CTU1: variants seen among roughly 807,000 people sequenced by gnomAD.
The protein encoded by CTU1 is cytoplasmic tRNA 2-thiolation protein 1.
CTU1 carries 15 observed loss-of-function variants against 12.9 expected under a neutral mutation model. The ratio of observed to expected loss-of-function variants is 1.16; its 90% CI spans 0.78 to 1.79. The LOEUF is 1.79. CTU1 is among the 40% of genes most tolerant of loss of function. The pLI is 0.00. For synonymous variants in CTU1, 295 were observed against 275.6 expected, an observed-to-expected ratio of 1.07 and a Z score of -0.70; for missense variants, 553 against 550.5, an observed-to-expected ratio of 1.00 and a Z score of -0.05.
intron 1 of CTU1, among the ~76,000 whole-genome samples, chr19:51,104,969 T>A (rs1324994871): frequency 6.6e-6 from 1 of 152,186 alleles, no homozygotes; most frequent in Non-Finnish European, 1.5e-5. Flanking sequence ...GCCACCCTTG[T>A]TACAGTCCTG....
chr19:51,104,170 T>A lies in CTU1; in HGVS notation c.400A>T (p.Thr134Ser). Residue 134 changes from threonine (T) to serine (S), a missense_variant, in exon 2 of 3, where the codon ACA becomes TCA. Thr to Ser is a moderately conservative substitution (Grantham distance 58). Transcript: ENST00000421832. ...GAGCGGCTGCGGCCGGAGCCGGCTG[T>A]GCTGCGGGCCACGGCGTCCATCGTC... The part of the protein sequence containing the change: ...GWTMDAVARS[T>S]AGSGRSRSCC... 6.6e-7 allele frequency: 1 copy of A among 1,522,074 alleles called. No homozygotes were observed. The highest frequency in any genetic ancestry group is 1.7e-4 in the Middle Eastern group (1 of 5,918). The allele number at this position is 1,522,074 out of a possible 1,614,324, so 94.3% of individuals were successfully genotyped here.
chr19:51,104,455 G>T lies in CTU1; in HGVS notation c.115C>A (p.Leu39Met), dbSNP rs2091915111. The T allele has an allele frequency of 2.3e-6, 3 of 1,295,038 alleles. No homozygotes were observed. In the African/African-American group the frequency reaches 4.7e-5, roughly 20 times the overall value. 80.2% of individuals were successfully genotyped at this position (1,295,038 alleles called of 1,614,324 possible). The change falls in exon 2 of 3, where the codon CTG (leucine) becomes ATG (methionine). Residue 39 changes from leucine (L) to methionine (M), a missense_variant. Coordinates refer to ENST00000421832, the MANE Select transcript of CTU1 (RefSeq NM_145232.4). ...CFCAAFEAEV[L>M]HTVLAGRLLP... Reference sequence around the variant, plus strand: ...AGGCGGCCGGCGAGCACCGTGTGCAGCACCTCGGCCTCGAAGGCGGCGCAG... The same window carrying T: ...AGGCGGCCGGCGAGCACCGTGTGCATCACCTCGGCCTCGAAGGCGGCGCAG...
chr19:51,099,051 G>A lies in CTU1; in HGVS notation c.597C>T (p.Gly199=). 1.3e-6 allele frequency: 2 copies of A among 1,516,804 alleles called. No individual in the cohort carries two copies. The highest frequency in any genetic ancestry group is 4.1e-5 in the Admixed American group (2 of 49,014). The allele number at this position is 1,516,804 out of a possible 1,614,324, so 94.0% of individuals were successfully genotyped here. ...GCAGGGCGCCCCCCTCGCCGGGAGA[G>A]CCCAGGCCCCCGCCCCGGGCCAGCC... ...AGRLARGGGL[G]SPGEGGALPR... The change falls in exon 3 of 3, where the codon GGC becomes GGT. Residue 199 remains glycine (G), a synonymous_variant. Coordinates refer to ENST00000421832, the MANE Select transcript of CTU1 (RefSeq NM_145232.4).
At position 51,104,216 on chromosome 19, in the gene CTU1, G is replaced by T. The variant is rs1457193469; in HGVS notation, c.354C>A (p.Tyr118Ter). ...TCGTCCAGCCCCCAAAGAGGTCTTC[G>T]TAGGCCACGACCGTGAGCGGCAGCT... is the stretch of plus-strand genomic sequence containing the variant. ...RWELPLTVVAYEDLFGGWTMD... is the reference protein window; with the variant it reads ...RWELPLTVVA The change falls in exon 2 of 3, where the codon TAC (tyrosine) becomes TAA (stop). Residue 118 changes from tyrosine to a stop codon, truncating the protein, a stop_gained. Transcript: ENST00000421832. LOFTEE classifies it high-confidence loss of function. 6.6e-7 allele frequency: 1 copy of T among 1,519,856 alleles called. No homozygotes were observed. 94.1% of individuals were successfully genotyped at this position (1,519,856 alleles called of 1,614,324 possible).
In CTU1 at chr19:51,098,920, G is replaced by A. The variant is rs1401255441; in HGVS notation, c.728C>T (p.Ala243Val). Reference protein sequence around the residue: ...FSEECVYAPEAFRGHARDLLK... With the variant: ...FSEECVYAPEVFRGHARDLLK... The stretch of plus-strand genomic sequence containing the variant: ...CAGGTCCCGGGCGTGGCCGCGGAAG[G>A]CCTCGGGCGCGTAGACGCACTCCTC... Residue 243 changes from alanine to valine, a missense_variant, in exon 3 of 3, where the codon GCC (alanine) becomes GTC (valine). By Grantham distance (64) the Ala-to-Val change is moderately conservative. Transcript: ENST00000421832. This position sits in a 1 kb window ranked among gnomAD's most constrained non-coding sequence, Gnocchi z 4.3. The A allele has an allele frequency of 1.3e-6, 2 of 1,526,708 alleles. No individual in the cohort carries two copies. Among genetic ancestry groups the A allele is most frequent in the Non-Finnish European group, 1.8e-6 (2 of 1,141,422 alleles). 94.6% of individuals were successfully genotyped at this position (1,526,708 alleles called of 1,614,324 possible). A position where few individuals can be genotyped will look rare whatever the true frequency, so the allele number is the denominator to read the frequency against.
intron 2 of CTU1, among the ~76,000 whole-genome samples, chr19:51,100,227 C>T (rs184879033): frequency 3.3e-5 from 5 of 152,232 alleles, no homozygotes; most frequent in South Asian, 2.1e-4. Flanking sequence ...ATTTGCCACC[C>T]GCCTACTGCA....
rs886495983 is a variant in CTU1 at position 51,098,658 on chromosome 19, C to T, written c.990G>A (p.Pro330=). ...GCCGGGCCGGATCCCCGGGCGTCCC[C>T]GGCGTCGCCTCCTCGTCCAGACCCC... ...GRRGLDEEAT[P]GTPGDPARPP... is the part of the protein sequence containing the mutation. The change falls in exon 3 of 3, where the codon CCG becomes CCA. Residue 330 remains proline, a synonymous_variant. Transcript: ENST00000421832. This position sits in a 1 kb window ranked among gnomAD's most constrained non-coding sequence, Gnocchi z 4.3. The T allele has an allele frequency of 4.8e-5, 63 of 1,308,846 alleles. No homozygotes were observed. The highest frequency in any genetic ancestry group is 5.8e-5 in the Non-Finnish European group (60 of 1,028,168). The allele number at this position is 1,308,846 out of a possible 1,614,324, so 81.1% of individuals were successfully genotyped here. A position where few individuals can be genotyped will look rare whatever the true frequency, so the allele number is the denominator to read the frequency against.
At chr19:51,103,584 C>CA (rs746986273) in intron 2 of CTU1, among the ~76,000 whole-genome samples, 1,606 of 95,974 alleles carry the variant, frequency 0.017, 33 homozygotes, top group Middle Eastern at 0.038. Flanking sequence ...GACTCTGTCT[C>CA]AAAAAAAAAA....
Position 51,106,672 on chromosome 19 carries a change from A to ATT in CTU1, c.-22+1673_-22+1674dup, listed in dbSNP as rs56150506. 6.6e-3 allele frequency among the ~76,000 whole-genome samples: 899 copies of ATT among 136,208 alleles called. 16 individuals are homozygous for ATT. Among genetic ancestry groups the ATT allele is most frequent in the Middle Eastern group, 0.031 (8 of 258 alleles). The allele number at this position is 136,208 out of a possible 152,430, so 89.4% of individuals were successfully genotyped here. On this transcript the variant is annotated intron_variant, in intron 1 of 2. Coordinates refer to ENST00000421832, the MANE Select transcript of CTU1 (RefSeq NM_145232.4). The stretch of plus-strand genomic sequence containing the variant: ...AGGCGTGTACCACCATGCCTGGCTA[A>ATT]TTTTTTTTTTTTTTTTTGTATTTTT...
At chr19:51,101,787 TCCA>T (rs1171045061) in intron 2 of CTU1, among the ~76,000 whole-genome samples, 9 of 152,178 alleles carry the variant, frequency 5.9e-5, no homozygotes, top group Non-Finnish European at 1.2e-4. Context: ...CTGGATTTGC[TCCA>T]CACCTTGTCA....
chr19:51,105,917 T>C (rs1599808329), intron 1 of CTU1, among the ~76,000 whole-genome samples: 1 of 152,242 alleles, frequency 6.6e-6, no homozygotes, highest in Non-Finnish European at 1.5e-5. Context: ...TGTTTGAATG[T>C]AGTTTCAAAA....
In CTU1 at chr19:51,099,152, GA is replaced by G; in HGVS notation, c.509-14del. ...TCGGCGTTGTGACCTGGTGGGGAGA[GA>G]AGGGAGCGGGTGAGGTGGGGCGCGG... On this transcript the variant is annotated splice_polypyrimidine_tract_variant and intron_variant, in intron 2 of 2. Coordinates refer to ENST00000421832, the MANE Select transcript of CTU1 (RefSeq NM_145232.4). 1 of 1,567,616 alleles carries G rather than the reference GA, an allele frequency of 6.4e-7. No homozygotes were observed.
chr19:51,098,992 T>G lies in CTU1; in HGVS notation c.656A>C (p.Lys219Thr). The change falls in exon 3 of 3, where the codon AAG becomes ACG. Residue 219 changes from lysine (K) to threonine (T), a missense_variant. Physicochemically the swap from Lys to Thr is moderately conservative, Grantham distance 78 (BLOSUM62 -1). This residue lies in a region of CTU1 where 500 missense variants were observed against 458.5 expected (regional missense o/e 1.09). Coordinates refer to ENST00000421832, the MANE Select transcript of CTU1 (RefSeq NM_145232.4). This position sits in a 1 kb window ranked among gnomAD's most constrained non-coding sequence, Gnocchi z 4.3. ...RCRPLQFASQ[K>T]EVVLYAHFRR... ...GAAGTGCGCGTACAGCACCACCTCC[T>G]TCTGCGAGGCGAACTGCAGCGGGCG... 1.3e-6 allele frequency: 2 copies of G among 1,540,542 alleles called. No individual in the cohort carries two copies. The highest frequency in any genetic ancestry group is 1.7e-6 in the Non-Finnish European group (2 of 1,149,514).
Position 51,098,887 on chromosome 19 carries a change from C to T in CTU1, c.761G>A (p.Arg254His), listed in dbSNP as rs1599805709. The change falls in exon 3 of 3, where the codon CGC (arginine) becomes CAC (histidine). Residue 254 changes from arginine to histidine, a missense_variant. Arg to His is a conservative substitution (Grantham distance 29). This residue lies in a region of CTU1 where 500 missense variants were observed against 458.5 expected (regional missense o/e 1.09). Coordinates refer to ENST00000421832, the MANE Select transcript of CTU1 (RefSeq NM_145232.4). This position sits in a 1 kb window ranked among gnomAD's most constrained non-coding sequence, Gnocchi z 4.3. ...FRGHARDLLK[R>H]LEAARPSAVL... ...CGCGGACGGCCGCGCCGCCTCCAGG[C>T]GCTTGAGCAGGTCCCGGGCGTGGCC... 1.4e-6 allele frequency: 2 copies of T among 1,480,850 alleles called. No homozygotes were observed. Among genetic ancestry groups the T allele is most frequent in the East Asian group, 2.9e-5 (1 of 34,270 alleles). The allele number at this position is 1,480,850 out of a possible 1,614,324, so 91.7% of individuals were successfully genotyped here. A position where few individuals can be genotyped will look rare whatever the true frequency, so the allele number is the denominator to read the frequency against.
chr19:51,102,837 C>T (rs1473511026), intron 2 of CTU1, among the ~76,000 whole-genome samples: 1 of 151,864 alleles, frequency 6.6e-6, no homozygotes, highest in Non-Finnish European at 1.5e-5. Context: ...TTCTTACCCG[C>T]TTTACCTCTT....
intron 1 of CTU1, among the ~76,000 whole-genome samples, chr19:51,107,309 A>C (rs913727139): frequency 6.6e-6 from 1 of 152,160 alleles, no homozygotes; most frequent in Non-Finnish European, 1.5e-5. Context: ...AAAATAAATA[A>C]ATAAATTAGC....
intron 2 of CTU1, among the ~76,000 whole-genome samples, chr19:51,103,058 G>A (rs1041640513): frequency 6.6e-6 from 1 of 152,154 alleles, no homozygotes; most frequent in African/African-American, 2.4e-5. Context: ...GATGATAATA[G>A]CATGTATAAA....
chr19:51,100,090 G>T (rs767070690), intron 2 of CTU1, among the ~76,000 whole-genome samples: 1 of 152,062 alleles, frequency 6.6e-6, no homozygotes, highest in Non-Finnish European at 1.5e-5. Flanking sequence ...CCAGAGACCG[G>T]GAGAGGGAGA....
intron 1 of CTU1, among the ~76,000 whole-genome samples, chr19:51,105,876 TC>T (rs1266884443): frequency 2.0e-5 from 3 of 152,172 alleles, no homozygotes; most frequent in African/African-American, 7.2e-5. Flanking sequence ...CTTTTCAAAC[TC>T]CAGGTACCTA....
Sources: gnomAD v4.1 joint callset for allele counts (sites outside exome capture counted in the v4.1 genomes callset) on GRCh38, gnomAD v4.1.1 for gene constraint, gnomAD v4.1.1 regional missense constraint, Gnocchi (gnomAD v3.1) non-coding constraint, MANE v1.5 for transcripts, NCBI Gene and HGNC (gene_info 2026-07-23, HGNC 2026-07-21) for gene names.